MLLT10: variants seen among roughly 807,000 people sequenced by gnomAD.
MLLT10 encodes the protein protein AF-10.
In MLLT10, 30 loss-of-function variants were observed where a neutral mutation model predicts 129.1. The ratio of observed to expected loss-of-function variants is 0.23; its 90% CI spans 0.17 to 0.32. The LOEUF is 0.32. MLLT10 is among the 10% of genes least tolerant of loss of function. The pLI, the probability that MLLT10 is intolerant of heterozygous loss-of-function variation, is 1.00. For missense variants in MLLT10, 1,119 were observed against 1,268.3 expected (o/e 0.88, Z 1.79); for synonymous variants, 490 against 446.4 (o/e 1.10, Z -1.23).
intron 13 of MLLT10, among the ~76,000 whole-genome samples, chr10:21,704,945 G>A (rs953619376): frequency 1.3e-5 from 2 of 152,154 alleles, no homozygotes; most frequent in African/African-American, 2.4e-5. Flanking sequence ...CACCTCAGTC[G>A]TGGACCAAGC....
chr10:21,603,274 C>T (rs1172867402), intron 5 of MLLT10, among the ~76,000 whole-genome samples: 1 of 146,126 alleles, frequency 6.8e-6, no homozygotes, highest in African/African-American at 2.5e-5. Flanking sequence ...ACCATGTTGG[C>T]CAGGCTGGTC....
chr10:21,708,576 T>C (rs1408499153), intron 13 of MLLT10: 2 of 985,258 alleles, frequency 2.0e-6, no homozygotes, highest in East Asian at 2.3e-4. Flanking sequence ...GTGTGTGTTT[T>C]TTTTTTACCA....
intron 6 of MLLT10, 55 bp from the exon 7 acceptor site, chr10:21,614,776 A>G: frequency 2.9e-6 from 4 of 1,389,334 alleles, no homozygotes; most frequent in Non-Finnish European, 4.0e-6. Context: ...TTGCTTATAT[A>G]TACAGGTACT....
Position 21,713,932 on chromosome 10 carries a change from T to A in MLLT10, c.1860T>A (p.Pro620=). The change falls in exon 14 of 23, where the codon CCT becomes CCA. Residue 620 remains proline, a synonymous_variant. Transcript: ENST00000307729. ...LSPSAVSSAA[P]AVATTQANTL... ...CCTCAGCTGTGTCATCTGCAGCCCC[T>A]GCTGTTGCTACAACTCAGGTAAGTT... 6.2e-7 allele frequency: 1 copy of A among 1,612,240 alleles called. No individual in the cohort carries two copies. The highest frequency in any genetic ancestry group is 8.5e-7 in the Non-Finnish European group (1 of 1,179,160).
intron 8 of MLLT10, among the ~76,000 whole-genome samples, chr10:21,623,020 C>T (rs1312141918): frequency 2.6e-5 from 4 of 152,332 alleles, no homozygotes; most frequent in South Asian, 2.1e-4. Context: ...AGCTCAGGAA[C>T]AGCTGGATGG....
At chr10:21,565,182 A>G (rs1346374169) in intron 3 of MLLT10, among the ~76,000 whole-genome samples, 9 of 152,086 alleles carry the variant, frequency 5.9e-5, no homozygotes, top group Admixed American at 1.3e-4. Context: ...TGATGTTAAT[A>G]TAGTCACTCC....
At chr10:21,674,164 T>C (rs1266073520) in intron 11 of MLLT10, among the ~76,000 whole-genome samples, 1 of 152,230 alleles carries the variant, frequency 6.6e-6, no homozygotes, top group East Asian at 1.9e-4. Context: ...AAATGTAGGC[T>C]AAACAATCTA....
chr10:21,552,916 C>T (rs1243533645), intron 3 of MLLT10, among the ~76,000 whole-genome samples: 1 of 151,948 alleles, frequency 6.6e-6, no homozygotes, highest in East Asian at 1.9e-4. Context: ...TCTTTCCTCC[C>T]CCTTCCTTTC....
intron 5 of MLLT10, among the ~76,000 whole-genome samples, chr10:21,608,018 T>TC (rs1236588266): frequency 1.3e-5 from 2 of 151,636 alleles, no homozygotes; most frequent in African/African-American, 2.4e-5. Flanking sequence ...TTTTTTTTTT[T>TC]CTTCTTTTTT....
intron 7 of MLLT10, 66 bp downstream of exon 7, chr10:21,614,990 T>G: frequency 1.5e-6 from 2 of 1,331,952 alleles, no homozygotes; most frequent in South Asian, 2.7e-5. Context: ...TGACACTGTT[T>G]TATTAAAAAA....
chr10:21,582,832 A>C (rs892721307), intron 3 of MLLT10, among the ~76,000 whole-genome samples: 1 of 152,222 alleles, frequency 6.6e-6, no homozygotes, highest in Non-Finnish European at 1.5e-5. Flanking sequence ...CAGTATATGA[A>C]AAGAGCAGGA....
Position 21,534,306 on chromosome 10 carries a change from G to GCCCCCCCCCCCC in MLLT10, c.-208_-207insCCCCCCCCCCCC. 2.1e-5 allele frequency: 7 copies of GCCCCCCCCCCCC among 328,360 alleles called. No homozygotes were observed. The highest frequency in any genetic ancestry group is 2.5e-5 in the African/African-American group (1 of 39,994). The allele number at this position is 328,360 out of a possible 1,614,324, so 20.3% of individuals were successfully genotyped here. A position where few individuals can be genotyped will look rare whatever the true frequency, so the allele number is the denominator to read the frequency against. ...CCTCGCTGCCCCTGGCCCAGCGGGA[G>GCCCCCCCCCCCC]CCCCCCCTCCCCCCAGTGCGCCTGT... On this transcript the variant is annotated 5_prime_UTR_variant, in exon 1 of 23. Coordinates refer to ENST00000307729, the MANE Select transcript of MLLT10 (RefSeq NM_001195626.3).
intron 11 of MLLT10, among the ~76,000 whole-genome samples, chr10:21,677,034 TATTACTC>T (rs1313245611): frequency 6.6e-6 from 1 of 152,214 alleles, no homozygotes; most frequent in African/African-American, 2.4e-5. Context: ...CATTAAGTGT[TATTACTC>T]ATTATATAGG....
intron 8 of MLLT10, among the ~76,000 whole-genome samples, chr10:21,630,802 C>G (rs1303209298): frequency 6.6e-6 from 1 of 152,158 alleles, no homozygotes; most frequent in Non-Finnish European, 1.5e-5. Context: ...ATCTTAGACT[C>G]TTTGTAGTTT....
chr10:21,568,390 A>AAC (rs1392966934), intron 3 of MLLT10, among the ~76,000 whole-genome samples: 1 of 152,208 alleles, frequency 6.6e-6, no homozygotes, highest in African/African-American at 2.4e-5. Context: ...CTAGAAGTGT[A>AAC]AGTGTAACCT....
intron 5 of MLLT10, among the ~76,000 whole-genome samples, chr10:21,602,113 G>A (rs189281840): frequency 1.3e-5 from 2 of 152,236 alleles, no homozygotes; most frequent in East Asian, 3.9e-4. Flanking sequence ...TAAGCACCTG[G>A]ATTTAGAAGC....
At chr10:21,559,539 A>G (rs2038526297) in intron 3 of MLLT10, among the ~76,000 whole-genome samples, 1 of 152,230 alleles carries the variant, frequency 6.6e-6, no homozygotes, top group Non-Finnish European at 1.5e-5. Context: ...AAGTACATTC[A>G]CAGTGTTTAT....
chr10:21,621,959 A>G (rs905130787), intron 8 of MLLT10, among the ~76,000 whole-genome samples: 1 of 152,172 alleles, frequency 6.6e-6, no homozygotes, highest in African/African-American at 2.4e-5. Flanking sequence ...AACTTAATTT[A>G]CAACTTCATA....
chr10:21,742,142 T>C lies in MLLT10; in HGVS notation c.*159T>C, dbSNP rs1349661858. ...AAGGACATTCTTGTAAGGCTTTGAT[T>C]AGTTTTCTTGTTGCTTTGTTGCACT... On this transcript the variant is annotated 3_prime_UTR_variant, in exon 23 of 23. Transcript: ENST00000307729. 9.4e-6 allele frequency: 6 copies of C among 639,820 alleles called. No individual in the cohort carries two copies. The East Asian group carries it at 1.7e-4, about 18-fold the overall frequency. 39.6% of individuals were successfully genotyped at this position (639,820 alleles called of 1,614,324 possible).
Sources: allele counts gnomAD v4.1 joint callset (sites outside exome capture counted in the v4.1 genomes callset), GRCh38; gene constraint gnomAD v4.1.1; transcripts MANE v1.5; gene names NCBI Gene and HGNC (gene_info 2026-07-23, HGNC 2026-07-21).